The following RTN4 variants were observed in gnomAD, a reference collection of about 807,000 sequenced individuals.
RTN4 encodes the protein reticulon 4, also known as reticulon-4.
RTN4 carries 32 observed loss-of-function variants against 90.4 expected under a neutral mutation model. The ratio of observed to expected loss-of-function variants is 0.35; its 90% confidence interval spans 0.27 to 0.48. RTN4 has a LOEUF of 0.48. Among genes scored for constraint, RTN4 ranks in the 20% least tolerant of loss-of-function variants. The pLI is 0.99. For synonymous variants in RTN4, 629 were observed against 552.5 expected (o/e 1.14, Z -1.94); for missense variants, 1,706 against 1,430.2 (o/e 1.19, Z -3.11).
chr2:55,106,442 C>T (rs920485094), intron 1 of RTN4, among the ~76,000 whole-genome samples: 2 of 152,092 alleles, frequency 1.3e-5, no homozygotes, highest in Admixed American at 6.6e-5. Flanking sequence ...TCCAGGGCCT[C>T]ACACAGTTGT....
At chr2:55,073,878 G>A (rs768171725) in intron 2 of RTN4, among the ~76,000 whole-genome samples, 1 of 152,188 alleles carries the variant, frequency 6.6e-6, no homozygotes, top group Non-Finnish European at 1.5e-5. Context: ...GCCAGGACCT[G>A]AGCTCAGTTT....
intron 4 of RTN4, 75 bp from the exon 5 acceptor site, chr2:54,982,728 T>G: frequency 1.4e-6 from 2 of 1,450,520 alleles, no homozygotes; most frequent in Non-Finnish European, 9.3e-7. Context: ...AAATTATATA[T>G]CTGTAAGAAA....
At chr2:55,040,637 C>G (rs1176069783) in intron 1 of RTN4, among the ~76,000 whole-genome samples, 1 of 152,058 alleles carries the variant, frequency 6.6e-6, no homozygotes, top group Non-Finnish European at 1.5e-5. Flanking sequence ...GTAAATATGT[C>G]CTGTAAGGCC....
At chr2:55,028,118 A>T in intron 2 of RTN4, 46 bp downstream of exon 2, 1 of 1,547,064 alleles carries the variant, frequency 6.5e-7, no homozygotes, top group Non-Finnish European at 8.9e-7. Context: ...CTAAAGAGTT[A>T]AAGTTAGAAT....
At chr2:55,127,028 G>C in the RTN4 span, among the ~76,000 whole-genome samples, 1 of 152,116 alleles carries the variant, frequency 6.6e-6, no homozygotes, top group Admixed American at 6.5e-5. Context: ...AGTACGGGGA[G>C]GAAGAAGAGT....
chr2:55,119,782 C>T, the RTN4 span, among the ~76,000 whole-genome samples: 1 of 152,192 alleles, frequency 6.6e-6, no homozygotes, highest in Non-Finnish European at 1.5e-5. Context: ...GTGGTTTCCA[C>T]AACCACCTCC....
intron 1 of RTN4, among the ~76,000 whole-genome samples, chr2:55,102,587 A>G (rs1189060072): frequency 6.6e-6 from 1 of 152,044 alleles, no homozygotes; most frequent in African/African-American, 2.4e-5. Context: ...ACCTCACAAG[A>G]ATCTGGTGGC....
chr2:54,986,346 C>G (rs1678561691), intron 4 of RTN4, among the ~76,000 whole-genome samples: 1 of 152,122 alleles, frequency 6.6e-6, no homozygotes, highest in Admixed American at 6.5e-5. Flanking sequence ...CTGTAAAGGG[C>G]CAGATAGTTA....
chr2:54,973,020 G>A lies in RTN4; in HGVS notation c.*136C>T, dbSNP rs768634998. 9 of 664,840 alleles carry A rather than the reference G, an allele frequency of 1.4e-5. No individual in the cohort carries two copies. Among genetic ancestry groups the A allele is most frequent in the Non-Finnish European group, 2.3e-5 (9 of 386,162 alleles). 41.2% of individuals were successfully genotyped at this position (664,840 alleles called of 1,614,324 possible). A position where few individuals can be genotyped will look rare whatever the true frequency, so the allele number is the denominator to read the frequency against. On this transcript the variant is annotated 3_prime_UTR_variant, in exon 9 of 9. Transcript: ENST00000337526. ...TAATTTTTCCTCACAACAGTGCATG[G>A]CTAAAAATAAAGATCTAACAACGAT...
At chr2:55,000,917 A>G (rs965725522) in intron 3 of RTN4, among the ~76,000 whole-genome samples, 2 of 152,114 alleles carry the variant, frequency 1.3e-5, no homozygotes, top group African/African-American at 4.8e-5. Flanking sequence ...ATAGGAATAA[A>G]CCATGTTTTG....
In RTN4 at chr2:55,025,633, C is replaced by T. The variant is rs769887926; in HGVS notation, c.2466G>A (p.Leu822=). Residue 822 remains leucine (L), a synonymous_variant, in exon 3 of 9, where the codon TTG becomes TTA. Coordinates refer to ENST00000337526, the MANE Select transcript of RTN4 (RefSeq NM_020532.5). ...GCAAAGGAATTTTCTCCTTTTTGCT[C>T]AATGTTGAAACTTCATCAGGTAACA... ...DTLLPDEVST[L]SKKEKIPLQM... is the part of the protein sequence containing the mutation. The T allele has an allele frequency of 1.9e-6, 3 of 1,613,348 alleles. No individual in the cohort carries two copies. The South Asian group carries it at 3.3e-5, about 18-fold the overall frequency.
intron 3 of RTN4, among the ~76,000 whole-genome samples, chr2:55,021,542 C>T (rs1452844037): frequency 2.0e-5 from 3 of 150,664 alleles, no homozygotes; most frequent in East Asian, 2.0e-4. Flanking sequence ...AGGCAGGTCT[C>T]GAACTCCTGG....
At chr2:55,001,705 T>C (rs1679861504) in intron 3 of RTN4, among the ~76,000 whole-genome samples, 1 of 152,228 alleles carries the variant, frequency 6.6e-6, no homozygotes, top group East Asian at 1.9e-4. Context: ...ACACTGACAG[T>C]CCAACAGGCA....
the RTN4 span, among the ~76,000 whole-genome samples, chr2:55,131,005 C>A: frequency 9.2e-5 from 14 of 152,274 alleles, no homozygotes; most frequent in African/African-American, 3.4e-4. Flanking sequence ...CATCTGTCTT[C>A]AGTGTACAAA....
chr2:55,089,390 C>T (rs1019205271), intron 1 of RTN4, among the ~76,000 whole-genome samples: 1 of 152,168 alleles, frequency 6.6e-6, no homozygotes, highest in Admixed American at 6.5e-5. Flanking sequence ...AGCCTTCACT[C>T]TGGGCTAGAG....
upstream of RTN4, among the ~76,000 whole-genome samples, chr2:55,115,321 G>T (rs1247478122): frequency 6.6e-6 from 1 of 152,082 alleles, no homozygotes; most frequent in African/African-American, 2.4e-5. Context: ...CTTGACTCCT[G>T]GTCCCCTTCC....
intron 2 of RTN4, among the ~76,000 whole-genome samples, chr2:55,057,761 C>G (rs1668215560): frequency 6.6e-6 from 1 of 152,108 alleles, no homozygotes; most frequent in South Asian, 2.1e-4. Context: ...AAAGCAGAGG[C>G]TTGCTTGAGG....
chr2:55,036,052 C>T (rs1028119426), intron 1 of RTN4, among the ~76,000 whole-genome samples: 28 of 152,128 alleles, frequency 1.8e-4, no homozygotes, highest in Non-Finnish European at 2.9e-5. Context: ...ACCAACCTTA[C>T]ACAAACTCTT....
chr2:54,973,665 CTTA>C, intron 7 of RTN4, 44 bp from the exon 8 acceptor site: 1 of 1,530,042 alleles, frequency 6.5e-7, no homozygotes, highest in Non-Finnish European at 9.1e-7. Context: ...GCTAAAGAAT[CTTA>C]TTAACCACTA....
Sources: allele counts gnomAD v4.1 joint callset (sites outside exome capture counted in the v4.1 genomes callset), GRCh38; gene constraint gnomAD v4.1.1; transcripts MANE v1.5; gene names NCBI Gene and HGNC (gene_info 2026-07-23, HGNC 2026-07-21).